The following VDAC1 variants were observed in gnomAD, a reference collection of about 807,000 sequenced individuals.
VDAC1 encodes non-selective voltage-gated ion channel VDAC1.
Under a neutral mutation model 34.7 loss-of-function variants are expected in VDAC1, and 10 were observed. The observed-to-expected ratio is 0.29, with a 90% CI of 0.18 to 0.49. VDAC1 has a LOEUF of 0.49. Ranked by LOEUF, VDAC1 falls within the 20% of genes least tolerant of loss-of-function variation. The pLI, the probability that VDAC1 is intolerant of heterozygous loss-of-function variation, is 0.99. For missense variants in VDAC1, 230 were observed against 347.9 expected, an observed-to-expected ratio of 0.66 and a Z score of 2.69; for synonymous variants, 130 against 136.0, an observed-to-expected ratio of 0.96 and a Z score of 0.30.
chr5:134,002,238 CA>C (rs1753585423), intron 1 of VDAC1, among the ~76,000 whole-genome samples: 1 of 152,184 alleles, frequency 6.6e-6, no homozygotes, highest in Non-Finnish European at 1.5e-5. Flanking sequence ...TCAGCAAGGC[CA>C]GGGGCCCACA....
the VDAC1 span, among the ~76,000 whole-genome samples, chr5:134,102,268 G>A: frequency 6.6e-6 from 1 of 152,118 alleles, no homozygotes; most frequent in Non-Finnish European, 1.5e-5. Context: ...GTCATCCGGG[G>A]CCAGTGCAGT....
chr5:133,977,635 G>A (rs1229707129), intron 6 of VDAC1, among the ~76,000 whole-genome samples: 2 of 152,160 alleles, frequency 1.3e-5, no homozygotes, highest in African/African-American at 2.4e-5. Context: ...GGCTGGGGTC[G>A]GCACAGATCA....
chr5:134,039,143 C>T, the VDAC1 span, among the ~76,000 whole-genome samples: 1 of 152,242 alleles, frequency 6.6e-6, no homozygotes, highest in South Asian at 2.1e-4. Flanking sequence ...TCCTCCCCAC[C>T]TCAATCGTCC....
At chr5:134,056,385 G>A in the VDAC1 span, among the ~76,000 whole-genome samples, 1 of 151,612 alleles carries the variant, frequency 6.6e-6, no homozygotes, top group East Asian at 1.9e-4. Context: ...TGAACATTAA[G>A]GCTGTTGCCT....
At chr5:134,096,960 TCTGGGGAAGCCGTGGATTTC>T in the VDAC1 span, among the ~76,000 whole-genome samples, 5 of 152,244 alleles carry the variant, frequency 3.3e-5, no homozygotes, top group Non-Finnish European at 7.3e-5. Context: ...TGCAGCCCCC[TCTGGGGAAGCCGTGGATTTC>T]CTGGGACTTA....
the VDAC1 span, among the ~76,000 whole-genome samples, chr5:134,053,541 C>T: frequency 6.6e-6 from 1 of 152,206 alleles, no homozygotes; most frequent in African/African-American, 2.4e-5. Flanking sequence ...GAGTCAGACC[C>T]GGAGGACCTC....
intron 5 of VDAC1, among the ~76,000 whole-genome samples, chr5:133,984,316 C>T (rs1244347121): frequency 6.6e-6 from 1 of 151,972 alleles, no homozygotes; most frequent in Non-Finnish European, 1.5e-5. Context: ...CTGCCTTAGC[C>T]TCCCAAAATG....
chr5:133,977,590 C>T (rs973117289), intron 6 of VDAC1, among the ~76,000 whole-genome samples: 6 of 152,106 alleles, frequency 3.9e-5, no homozygotes, highest in African/African-American at 9.7e-5. Context: ...AAAAGGCATA[C>T]GAAGAGCTCA....
intron 5 of VDAC1, chr5:133,989,007 G>A (rs1561590395): frequency 6.6e-6 from 1 of 152,256 alleles, no homozygotes; most frequent in Non-Finnish European, 1.5e-5. Context: ...CCATGGCAGA[G>A]TTCCTGGGGG....
the VDAC1 span, among the ~76,000 whole-genome samples, chr5:134,032,120 C>A: frequency 2.3e-5 from 1 of 44,344 alleles, no homozygotes; most frequent in African/African-American, 1.5e-4. Flanking sequence ...GAGACTCTGC[C>A]TCACAAAAAA....
chr5:134,032,463 C>G, the VDAC1 span, among the ~76,000 whole-genome samples: 1 of 152,204 alleles, frequency 6.6e-6, no homozygotes, highest in Non-Finnish European at 1.5e-5. Context: ...GGATTTCACT[C>G]TGAAGATACA....
the VDAC1 span, among the ~76,000 whole-genome samples, chr5:134,020,039 C>A: frequency 6.6e-6 from 1 of 151,954 alleles, no homozygotes; most frequent in Non-Finnish European, 1.5e-5. Flanking sequence ...TTCATACCTG[C>A]CCCCTGTGAC....
the VDAC1 span, among the ~76,000 whole-genome samples, chr5:134,093,816 T>G: frequency 1.3e-5 from 2 of 152,204 alleles, no homozygotes; most frequent in African/African-American, 2.4e-5. Context: ...CCCAGAGGAC[T>G]GAGCCCAGGA....
chr5:134,048,072 A>G, the VDAC1 span, among the ~76,000 whole-genome samples: 5 of 151,668 alleles, frequency 3.3e-5, no homozygotes, highest in East Asian at 7.7e-4. Flanking sequence ...GGTTCACACC[A>G]TTCTCCTGCC....
the VDAC1 span, among the ~76,000 whole-genome samples, chr5:134,078,275 A>G: frequency 6.6e-6 from 1 of 151,900 alleles, no homozygotes; most frequent in African/African-American, 2.4e-5. Flanking sequence ...GAGGAGGGAG[A>G]CCCACTCCAG....
the VDAC1 span, among the ~76,000 whole-genome samples, chr5:134,010,382 G>A: frequency 6.6e-6 from 1 of 152,106 alleles, no homozygotes. Context: ...CAGATCACCT[G>A]AGATCAGGAG....
the VDAC1 span, among the ~76,000 whole-genome samples, chr5:134,010,854 AAT>A: frequency 6.6e-6 from 1 of 152,100 alleles, no homozygotes; most frequent in Non-Finnish European, 1.5e-5. Flanking sequence ...GTACATATTT[AAT>A]ATATATATGT....
At chr5:134,110,766 CGTT>C in the VDAC1 span, among the ~76,000 whole-genome samples, 1 of 152,184 alleles carries the variant, frequency 6.6e-6, no homozygotes, top group Non-Finnish European at 1.5e-5. Flanking sequence ...TCCTTTGAGA[CGTT>C]TTCTGGAAAT....
At chr5:134,032,413 C>A in the VDAC1 span, among the ~76,000 whole-genome samples, 1 of 152,144 alleles carries the variant, frequency 6.6e-6, no homozygotes, top group African/African-American at 2.4e-5. Flanking sequence ...CCTAACAAAT[C>A]CACATCTGCA....
Sources: gnomAD v4.1 joint callset for allele counts (sites outside exome capture counted in the v4.1 genomes callset) on GRCh38, gnomAD v4.1.1 for gene constraint, MANE v1.5 for transcripts, NCBI Gene and HGNC (gene_info 2026-07-23, HGNC 2026-07-21) for gene names.